IFT74: variants seen among roughly 807,000 people sequenced by gnomAD.
IFT74 encodes intraflagellar transport protein 74 homolog.
Under a neutral mutation model 96.7 loss-of-function variants are expected in IFT74, and 92 were observed. The ratio of observed to expected loss-of-function variants is 0.95; its 90% CI spans 0.80 to 1.13. The LOEUF (loss-of-function observed/expected upper bound fraction) is 1.13, where lower values mean the gene tolerates loss of function less well. IFT74 is among the 50% of genes most tolerant of loss of function. The pLI, the probability that IFT74 is intolerant of heterozygous loss-of-function variation, is 0.00. For missense variants in IFT74, 811 were observed against 698.2 expected (o/e 1.16, Z -1.82); for synonymous variants, 223 against 213.2 (o/e 1.05, Z -0.40).
intron 8 of IFT74, among the ~76,000 whole-genome samples, chr9:26,996,066 A>G (rs1329584485): frequency 6.6e-6 from 1 of 152,136 alleles, no homozygotes; most frequent in African/African-American, 2.4e-5. Flanking sequence ...ATTGATTTAT[A>G]CTCGTTAAGA....
intron 8 of IFT74, among the ~76,000 whole-genome samples, chr9:26,999,261 T>A (rs962392665): frequency 4.6e-5 from 7 of 152,204 alleles, no homozygotes; most frequent in Non-Finnish European, 8.8e-5. Flanking sequence ...ATTACTGTTT[T>A]TGCAGTTAGA....
intron 9 of IFT74, among the ~76,000 whole-genome samples, chr9:27,010,283 C>G (rs1404435983): frequency 6.6e-6 from 1 of 151,996 alleles, no homozygotes; most frequent in African/African-American, 2.4e-5. Flanking sequence ...GCCACCGCGC[C>G]CGGCCTTATG....
chr9:26,997,588 C>T lies in IFT74; in HGVS notation c.587+7393C>T, dbSNP rs1403352950. On this transcript the variant is annotated intron_variant, in intron 8 of 19. Transcript: ENST00000380062. Reference sequence around the variant, plus strand: ...ACCTCAGGTGATCCCCCTGCCTTGGCCTCCCATAGTGATGGGATTACAGGC... The same window carrying T: ...ACCTCAGGTGATCCCCCTGCCTTGGTCTCCCATAGTGATGGGATTACAGGC... 22 of 852,514 alleles carry T rather than the reference C, an allele frequency of 2.6e-5. No homozygotes were observed. In the East Asian group the frequency reaches 5.9e-4, roughly 23 times the overall value. 52.8% of individuals were successfully genotyped at this position (852,514 alleles called of 1,614,324 possible). A position where few individuals can be genotyped will look rare whatever the true frequency, so the allele number is the denominator to read the frequency against.
chr9:27,044,176 A>T (rs1036378526), intron 13 of IFT74, among the ~76,000 whole-genome samples: 2 of 152,092 alleles, frequency 1.3e-5, no homozygotes, highest in African/African-American at 4.8e-5. Context: ...TAATGCTTTG[A>T]CATTTGCAGT....
At chr9:26,990,088 G>C in intron 7 of IFT74, 46 bp from the exon 8 acceptor site, 1 of 1,151,714 alleles carries the variant, frequency 8.7e-7, no homozygotes. Flanking sequence ...GAAAAAATTT[G>C]GTTTAATATT....
At chr9:27,014,552 C>T (rs1427889705) in intron 10 of IFT74, among the ~76,000 whole-genome samples, 1 of 152,150 alleles carries the variant, frequency 6.6e-6, no homozygotes, top group East Asian at 1.9e-4. Context: ...ACAATATGTG[C>T]AAATTAAGAT....
At chr9:26,974,682 T>C (rs1827024321) in intron 2 of IFT74, among the ~76,000 whole-genome samples, 1 of 152,154 alleles carries the variant, frequency 6.6e-6, no homozygotes, top group Non-Finnish European at 1.5e-5. Flanking sequence ...CAAATTGCCA[T>C]AGCAGCCCTA....
intron 16 of IFT74, among the ~76,000 whole-genome samples, chr9:27,055,170 A>G (rs1347477235): frequency 6.6e-6 from 1 of 152,198 alleles, no homozygotes; most frequent in African/African-American, 2.4e-5. Context: ...TTCATAGGAC[A>G]TAACTACCAC....
chr9:27,037,133 T>C (rs1819242845), intron 13 of IFT74, among the ~76,000 whole-genome samples: 1 of 150,136 alleles, frequency 6.7e-6, no homozygotes, highest in Non-Finnish European at 1.5e-5. Context: ...GACAGGAGAA[T>C]TGATTGAACC....
chr9:27,059,288 C>G (rs1162449583), intron 18 of IFT74, among the ~76,000 whole-genome samples: 1 of 152,106 alleles, frequency 6.6e-6, no homozygotes, highest in Non-Finnish European at 1.5e-5. Context: ...TGGCTTTTGG[C>G]ATCTCTAAAG....
intron 13 of IFT74, among the ~76,000 whole-genome samples, chr9:27,035,261 A>G (rs1056826751): frequency 5.3e-5 from 8 of 152,232 alleles, no homozygotes; most frequent in Non-Finnish European, 5.9e-5. Context: ...TATTTCCTTC[A>G]GGATGTACAA....
chr9:26,992,969 A>G (rs530870170), intron 8 of IFT74, among the ~76,000 whole-genome samples: 71 of 152,350 alleles, frequency 4.7e-4, no homozygotes, highest in Non-Finnish European at 8.5e-4. Context: ...TGGTTATAAT[A>G]AACAGCCTCA....
At chr9:26,985,196 C>T (rs1190210604) in intron 6 of IFT74, among the ~76,000 whole-genome samples, 4 of 152,148 alleles carry the variant, frequency 2.6e-5, no homozygotes, top group Non-Finnish European at 1.5e-5. Context: ...AGCAAACTAA[C>T]ACAGGAAAAG....
intron 2 of IFT74, among the ~76,000 whole-genome samples, chr9:26,969,367 G>A (rs1826779891): frequency 6.6e-6 from 1 of 151,634 alleles, no homozygotes; most frequent in Non-Finnish European, 1.5e-5. Flanking sequence ...TTGATTTGAA[G>A]ATGTATGTAT....
chr9:27,022,078 T>C (rs1159444347), intron 12 of IFT74, among the ~76,000 whole-genome samples: 1 of 152,206 alleles, frequency 6.6e-6, no homozygotes, highest in Non-Finnish European at 1.5e-5. Flanking sequence ...CACCATTTGT[T>C]GAATAGGGTG....
chr9:26,960,573 C>T (rs1210628897), intron 1 of IFT74, among the ~76,000 whole-genome samples: 3 of 152,094 alleles, frequency 2.0e-5, no homozygotes, highest in Non-Finnish European at 2.9e-5. Flanking sequence ...ATGTGACCAA[C>T]AATTTGAAAA....
intron 8 of IFT74, among the ~76,000 whole-genome samples, chr9:26,999,251 A>G (rs1440637639): frequency 6.6e-6 from 1 of 152,184 alleles, no homozygotes; most frequent in Non-Finnish European, 1.5e-5. Flanking sequence ...GTTCTGGTTT[A>G]TTACTGTTTT....
chr9:27,028,269 C>T (rs2131641083), intron 12 of IFT74, among the ~76,000 whole-genome samples: 1 of 152,162 alleles, frequency 6.6e-6, no homozygotes, highest in African/African-American at 2.4e-5. Context: ...GGTAGGTTTT[C>T]CCTTATTTTC....
At position 27,056,433 on chromosome 9, in the gene IFT74, T is replaced by C. The variant is rs368362684; in HGVS notation, c.1597T>C (p.Leu533=). 34 of 1,597,268 alleles carry C rather than the reference T, an allele frequency of 2.1e-5. No homozygotes were observed. Among genetic ancestry groups the C allele is most frequent in the African/African-American group, 1.1e-4 (8 of 74,004 alleles). ...AGAGTATGAGGCACTAAAAACACAA[T>C]TGCAAGAAAATGAGACACATTCTCA... The part of the protein sequence containing the change: ...NIEYEALKTQ[L]QENETHSQLT... Residue 533 remains leucine, a synonymous_variant, in exon 18 of 20, where the codon TTG becomes CTG. Transcript: ENST00000380062.
Sources: gnomAD v4.1 joint callset for allele counts (sites outside exome capture counted in the v4.1 genomes callset) on GRCh38, gnomAD v4.1.1 for gene constraint, MANE v1.5 for transcripts, NCBI Gene and HGNC (gene_info 2026-07-23, HGNC 2026-07-21) for gene names.